Variants in SLC25A21 observed in about 807,000 individuals in gnomAD.
SLC25A21 encodes the protein mitochondrial 2-oxodicarboxylate carrier.
In SLC25A21, 47 loss-of-function variants were observed where a neutral mutation model predicts 43.8. The ratio of observed to expected loss-of-function variants is 1.07; its 90% CI spans 0.85 to 1.37. SLC25A21 has a LOEUF of 1.37. SLC25A21 is among the 40% of genes most tolerant of loss of function. The pLI, the probability that SLC25A21 is intolerant of heterozygous loss-of-function variation, is 0.00. For missense variants in SLC25A21, 352 were observed against 350.2 expected, an observed-to-expected ratio of 1.00 and a Z score of -0.04; for synonymous variants, 131 against 121.3, an observed-to-expected ratio of 1.08 and a Z score of -0.52.
chr14:36,704,962 T>C (rs1883445675), intron 7 of SLC25A21, among the ~76,000 whole-genome samples: 1 of 152,156 alleles, frequency 6.6e-6, no homozygotes, highest in Admixed American at 6.5e-5. Context: ...CTGTGATAAC[T>C]TAAAAAATAT....
Position 36,680,402 on chromosome 14 carries a change from T to C in SLC25A21, c.*256A>G. On this transcript the variant is annotated 3_prime_UTR_variant, in exon 10 of 10. Transcript: ENST00000331299. ...TTTTATGAAATAAATATATGATTTC[T>C]ATGCTATTTTTCTATATTCACTTTA... is the stretch of plus-strand genomic sequence containing the variant. The C allele has an allele frequency of 9.0e-7, 1 of 1,105,226 alleles. No individual in the cohort carries two copies. Among genetic ancestry groups the C allele is most frequent in the Non-Finnish European group, 1.1e-6 (1 of 900,484 alleles). 68.5% of individuals were successfully genotyped at this position (1,105,226 alleles called of 1,614,324 possible). A position where few individuals can be genotyped will look rare whatever the true frequency, so the allele number is the denominator to read the frequency against.
At chr14:37,011,263 T>A (rs1464939205) in intron 1 of SLC25A21, among the ~76,000 whole-genome samples, 4 of 152,072 alleles carry the variant, frequency 2.6e-5, no homozygotes, top group Non-Finnish European at 4.4e-5. Flanking sequence ...CCTCAAGAGA[T>A]CCTCCCAAAG....
At chr14:36,740,622 A>C (rs1885213394) in intron 3 of SLC25A21, among the ~76,000 whole-genome samples, 1 of 129,070 alleles carries the variant, frequency 7.7e-6, no homozygotes, top group Non-Finnish European at 1.7e-5. Flanking sequence ...CCCTCATTCA[A>C]CCCCCCCACC....
chr14:36,942,938 C>A (rs1446188943), intron 1 of SLC25A21, among the ~76,000 whole-genome samples: 1 of 151,962 alleles, frequency 6.6e-6, no homozygotes, highest in Non-Finnish European at 1.5e-5. Context: ...AGATTTGAGC[C>A]CCTCCCCTAG....
intron 1 of SLC25A21, among the ~76,000 whole-genome samples, chr14:37,166,899 G>C (rs955596726): frequency 6.6e-6 from 1 of 152,148 alleles, no homozygotes; most frequent in African/African-American, 2.4e-5. Context: ...TTCTAATCCT[G>C]CTATATATTC....
In SLC25A21 at chr14:36,992,791, A is replaced by C. The variant is rs138443648; in HGVS notation, c.71-117787T>G. On this transcript the variant is annotated intron_variant, in intron 1 of 9. Transcript: ENST00000331299. ...TAGAATCATCAAGAAATTCTATCAGAAGACACAATGTTTAAGTATAGGTCT... is the reference window on the plus strand; with the variant it reads ...TAGAATCATCAAGAAATTCTATCAGCAGACACAATGTTTAAGTATAGGTCT... Among the ~76,000 whole-genome samples, 87 of 152,322 alleles carry C rather than the reference A, an allele frequency of 5.7e-4. No homozygotes were observed. In the Middle Eastern group the frequency reaches 0.014, roughly 24 times the overall value.
At chr14:36,934,712 A>G (rs568110635) in intron 1 of SLC25A21, among the ~76,000 whole-genome samples, 1 of 109,800 alleles carries the variant, frequency 9.1e-6, no homozygotes, top group South Asian at 2.6e-4. Flanking sequence ...ACACACACAC[A>G]CAGAGAAAAG....
At chr14:36,832,593 T>C (rs1202827919) in intron 2 of SLC25A21, among the ~76,000 whole-genome samples, 1 of 152,222 alleles carries the variant, frequency 6.6e-6, no homozygotes, top group African/African-American at 2.4e-5. Context: ...CACCTTTTCA[T>C]GCTTTCTGCA....
At chr14:37,130,819 T>G (rs1281814079) in intron 1 of SLC25A21, among the ~76,000 whole-genome samples, 2 of 152,180 alleles carry the variant, frequency 1.3e-5, no homozygotes, top group Non-Finnish European at 2.9e-5. Flanking sequence ...AAAAATACAA[T>G]GTGGATGTGA....
chr14:36,911,194 C>A (rs561219813), intron 1 of SLC25A21, among the ~76,000 whole-genome samples: 1 of 152,318 alleles, frequency 6.6e-6, no homozygotes, highest in East Asian at 1.9e-4. Flanking sequence ...CTGAAACTGG[C>A]TTACTTTATT....
intron 3 of SLC25A21, among the ~76,000 whole-genome samples, chr14:36,800,683 T>G (rs1887840075): frequency 1.3e-5 from 2 of 152,152 alleles, no homozygotes; most frequent in Admixed American, 6.6e-5. Flanking sequence ...ACATTGACTT[T>G]ACTTAGGGCC....
chr14:36,971,651 C>G (rs574068172), intron 1 of SLC25A21, among the ~76,000 whole-genome samples: 1 of 152,140 alleles, frequency 6.6e-6, no homozygotes, highest in South Asian at 2.1e-4. Context: ...GAGCTGCTCT[C>G]CTCTCTCCTT....
At chr14:37,038,977 C>T (rs1961387645) in intron 1 of SLC25A21, among the ~76,000 whole-genome samples, 1 of 152,156 alleles carries the variant, frequency 6.6e-6, no homozygotes, top group Non-Finnish European at 1.5e-5. Flanking sequence ...CCCCTCTTTG[C>T]TCCTTCTAGA....
At chr14:36,973,533 G>T (rs904495122) in intron 1 of SLC25A21, among the ~76,000 whole-genome samples, 1 of 152,212 alleles carries the variant, frequency 6.6e-6, no homozygotes, top group African/African-American at 2.4e-5. Context: ...GAGGGACACC[G>T]ATGGAAAGGT....
At chr14:36,717,401 T>C (rs1437504364) in intron 6 of SLC25A21, among the ~76,000 whole-genome samples, 1 of 152,228 alleles carries the variant, frequency 6.6e-6, no homozygotes, top group Non-Finnish European at 1.5e-5. Flanking sequence ...GTATGTTGTA[T>C]GAACAGGTCT....
intron 1 of SLC25A21, among the ~76,000 whole-genome samples, chr14:37,052,606 C>T (rs1216907029): frequency 6.6e-6 from 1 of 151,962 alleles, no homozygotes. Flanking sequence ...TAATTAATAA[C>T]CATGTACATT....
intron 1 of SLC25A21, among the ~76,000 whole-genome samples, chr14:36,897,901 T>C (rs1891289674): frequency 6.6e-6 from 1 of 152,164 alleles, no homozygotes; most frequent in South Asian, 2.1e-4. Flanking sequence ...GGAAGTTTTG[T>C]CTCAGAGGAG....
chr14:36,911,502 T>C (rs1891685201), intron 1 of SLC25A21, among the ~76,000 whole-genome samples: 1 of 152,186 alleles, frequency 6.6e-6, no homozygotes, highest in Admixed American at 6.5e-5. Context: ...TGACTTGCTA[T>C]GGACAACAGG....
At chr14:36,776,314 G>A (rs1886830625) in intron 3 of SLC25A21, among the ~76,000 whole-genome samples, 1 of 136,912 alleles carries the variant, frequency 7.3e-6, no homozygotes, top group Non-Finnish European at 1.5e-5. Flanking sequence ...TCGGCTCACT[G>A]CAAGCTCCGC....
Sources: allele counts gnomAD v4.1 joint callset (sites outside exome capture counted in the v4.1 genomes callset), GRCh38; gene constraint gnomAD v4.1.1; transcripts MANE v1.5; gene names NCBI Gene and HGNC (gene_info 2026-07-23, HGNC 2026-07-21).